The following FEZ2 variants were observed in gnomAD, a reference collection of about 807,000 sequenced individuals.
FEZ2 encodes the protein fasciculation and elongation protein zeta 2, also known as fasciculation and elongation protein zeta-2.
Under a neutral mutation model 40.4 loss-of-function variants are expected in FEZ2, and 51 were observed. The ratio of observed to expected loss-of-function variants is 1.26; its 90% CI spans 1.01 to 1.59. The LOEUF (loss-of-function observed/expected upper bound fraction) is 1.59, where lower values mean the gene tolerates loss of function less well. Ranked by LOEUF, FEZ2 falls within the 40% of genes most tolerant of loss-of-function variation. The probability of loss-of-function intolerance (pLI) is 0.00; values close to 1 mark genes in which losing one functional copy is unlikely to be tolerated. For synonymous variants in FEZ2, 242 were observed against 172.0 expected, an observed-to-expected ratio of 1.41 and a Z score of -3.18; for missense variants, 640 against 438.3, an observed-to-expected ratio of 1.46 and a Z score of -4.11.
chr2:36,583,196 A>C (rs1406375783), intron 3 of FEZ2, among the ~76,000 whole-genome samples, 157 bp downstream of exon 3: 1 of 152,120 alleles, frequency 6.6e-6, no homozygotes, highest in African/African-American at 2.4e-5. Flanking sequence ...ACAAATACTT[A>C]TTTTTCTCTG....
intron 7 of FEZ2, among the ~76,000 whole-genome samples, chr2:36,554,861 A>T (rs768215211): frequency 1.5e-4 from 23 of 152,234 alleles, no homozygotes; most frequent in Non-Finnish European, 2.5e-4. Flanking sequence ...TTAATGGAGA[A>T]GAGAGAGAAC....
rs553545220 is a variant in FEZ2, at chr2:36,555,697, T to A, written c.1031A>T (p.Asp344Val). The A allele has an allele frequency of 2.8e-5, 45 of 1,593,624 alleles. No individual in the cohort carries two copies. In the Admixed American group the frequency reaches 6.4e-4, roughly 23 times the overall value. The change falls in exon 7 of 8, where the codon GAT becomes GTT. Residue 344 changes from aspartate to valine, a missense_variant. Physicochemically the swap from Asp to Val is radical, Grantham distance 152. Transcript: ENST00000405912. Reference protein sequence around the residue: ...DSEKVPSLLTDYILKVLCPT With the variant: ...DSEKVPSLLTVYILKVLCPT ...ATAAAACTCACCTTTCAGAATATAA[T>A]CAGTTAACAAGCTCGGAACTTTTTC...
intron 2 of FEZ2, among the ~76,000 whole-genome samples, chr2:36,587,897 T>C (rs1668948671): frequency 1.3e-5 from 2 of 152,220 alleles, no homozygotes; most frequent in African/African-American, 4.8e-5. Flanking sequence ...CAGTGTGTGC[T>C]AATCCTCCCT....
chr2:36,576,331 G>A (rs1317966766), intron 5 of FEZ2, among the ~76,000 whole-genome samples: 1 of 151,832 alleles, frequency 6.6e-6, no homozygotes, highest in African/African-American at 2.4e-5. Context: ...GTACAGTGGA[G>A]CAATCTTGGC....
In FEZ2 at chr2:36,578,610, T is replaced by G; in HGVS notation, c.890A>C (p.His297Pro). 1 of 1,612,684 alleles carries G rather than the reference T, an allele frequency of 6.2e-7. No individual in the cohort carries two copies. Among genetic ancestry groups the G allele is most frequent in the Non-Finnish European group, 8.5e-7 (1 of 1,179,600 alleles). ...SSQNGKNERSHMPGTYLTTVI... is the reference protein window; with the variant it reads ...SSQNGKNERSPMPGTYLTTVI... ...AACATCACTTACTGTGCCGGGCATA[T>G]GACTTCTCTCATTCTTCCCATTCTG... is the stretch of plus-strand genomic sequence containing the variant. Residue 297 changes from histidine to proline, a missense_variant, in exon 5 of 8, where the codon CAT becomes CCT. His to Pro is a moderately conservative substitution (Grantham distance 77, BLOSUM62 -2). Coordinates refer to ENST00000405912, the MANE Select transcript of FEZ2 (RefSeq NM_005102.3).
In FEZ2 at chr2:36,580,398, C is replaced by T. The variant is rs922667423; in HGVS notation, c.634+892G>A. Among the ~76,000 whole-genome samples the T allele has an allele frequency of 1.6e-4, 25 of 152,124 alleles. No individual in the cohort carries two copies. In the East Asian group the frequency reaches 2.1e-3, roughly 13 times the overall value. On this transcript the variant is annotated intron_variant, in intron 4 of 7. Transcript: ENST00000405912. ...ATAAAGATAAAACTAGGTGACAACA[C>T]GAGTTGAGCAGATACAGACCCCATC...
intron 5 of FEZ2, among the ~76,000 whole-genome samples, chr2:36,571,472 C>A (rs1668408278): frequency 6.6e-6 from 1 of 151,742 alleles, no homozygotes; most frequent in Admixed American, 6.6e-5. Context: ...ACCATCCTGG[C>A]CAACTTGGTG....
chr2:36,577,288 G>A (rs1004822580), intron 5 of FEZ2, among the ~76,000 whole-genome samples: 2 of 149,542 alleles, frequency 1.3e-5, no homozygotes, highest in Non-Finnish European at 3.0e-5. Context: ...ATGGAGTTTC[G>A]CTTTTGTTGC....
chr2:36,592,653 A>G (rs919188518), intron 1 of FEZ2, among the ~76,000 whole-genome samples: 2 of 150,946 alleles, frequency 1.3e-5, no homozygotes, highest in Admixed American at 1.3e-4. Context: ...ACAAAAAAAA[A>G]AAAAAAAAAA....
At chr2:36,574,597 G>T (rs1002777450) in intron 5 of FEZ2, among the ~76,000 whole-genome samples, 8 of 151,920 alleles carry the variant, frequency 5.3e-5, no homozygotes, top group African/African-American at 1.9e-4. Context: ...ATCAAGGAAG[G>T]TTCTAAGAAA....
chr2:36,581,343 A>G lies in FEZ2; in HGVS notation c.581T>C (p.Leu194Pro). ...CTTGAGAGTTTGAATTTCCTGGGAA[A>G]GCATTGAAAGCCGATCTGACTGTGT... ...TPTQSDRLSMLSQEIQTLKRS... is the reference protein window; with the variant it reads ...TPTQSDRLSMPSQEIQTLKRS... The change falls in exon 4 of 8, where the codon CTT becomes CCT. Residue 194 changes from leucine to proline, a missense_variant. Leu to Pro is a moderately conservative substitution (Grantham distance 98). Coordinates refer to ENST00000405912, the MANE Select transcript of FEZ2 (RefSeq NM_005102.3). 1 of 1,613,808 alleles carries G rather than the reference A, an allele frequency of 6.2e-7. No individual in the cohort carries two copies. Among genetic ancestry groups the G allele is most frequent in the Non-Finnish European group, 8.5e-7 (1 of 1,179,728 alleles).
At chr2:36,586,223 T>C (rs895237161) in intron 2 of FEZ2, among the ~76,000 whole-genome samples, 1 of 152,194 alleles carries the variant, frequency 6.6e-6, no homozygotes, top group African/African-American at 2.4e-5. Context: ...CATCGATCCT[T>C]ACACTTCGAA....
chr2:36,570,348 C>T (rs569387745), intron 5 of FEZ2, among the ~76,000 whole-genome samples: 1 of 151,884 alleles, frequency 6.6e-6, no homozygotes, highest in Non-Finnish European at 1.5e-5. Flanking sequence ...AAATATAATA[C>T]AAAGATCTTC....
In FEZ2 at chr2:36,558,632, G is replaced by C. The variant is rs1056755121; in HGVS notation, c.904-119C>G. ...ATAAAACACAAGCTACTTTGGTAAT[G>C]AAAACACAGGTATTGTATGGGAATA... On this transcript the variant is annotated intron_variant, in intron 5 of 7. Transcript: ENST00000405912. The C allele has an allele frequency of 1.8e-5, 9 of 505,156 alleles. No individual in the cohort carries two copies. The Admixed American group carries it at 2.2e-4, about 12-fold the overall frequency. The allele number at this position is 505,156 out of a possible 1,614,324, so 31.3% of individuals were successfully genotyped here.
At chr2:36,582,988 T>G (rs1310079213) in intron 3 of FEZ2, among the ~76,000 whole-genome samples, 2 of 152,210 alleles carry the variant, frequency 1.3e-5, no homozygotes, top group Non-Finnish European at 2.9e-5. Context: ...ACCCAGGGTT[T>G]TGAAGATACT....
chr2:36,595,140 A>C (rs1434086017), intron 1 of FEZ2, among the ~76,000 whole-genome samples: 1 of 152,206 alleles, frequency 6.6e-6, no homozygotes, highest in Non-Finnish European at 1.5e-5. Flanking sequence ...TCCATATTTA[A>C]CCAAAACAAA....
At chr2:36,572,623 C>G (rs551717995) in intron 5 of FEZ2, among the ~76,000 whole-genome samples, 59 of 152,160 alleles carry the variant, frequency 3.9e-4, no homozygotes, top group Non-Finnish European at 7.5e-4. Flanking sequence ...ATGAACATAG[C>G]TGTGTTCCAG....
chr2:36,571,561 A>G (rs1324302140), intron 5 of FEZ2, among the ~76,000 whole-genome samples: 1 of 152,088 alleles, frequency 6.6e-6, no homozygotes, highest in Non-Finnish European at 1.5e-5. Context: ...AGGCTGAGGC[A>G]GGAGAACCGC....
chr2:36,558,501 CTG>C lies in FEZ2; in HGVS notation c.914_915del (p.Thr305SerfsTer5). The C allele has an allele frequency of 2.0e-6, 3 of 1,511,502 alleles. No homozygotes were observed. Among genetic ancestry groups the C allele is most frequent in the Non-Finnish European group, 2.7e-6 (3 of 1,125,218 alleles). The allele number at this position is 1,511,502 out of a possible 1,614,324, so 93.6% of individuals were successfully genotyped here. A position where few individuals can be genotyped will look rare whatever the true frequency, so the allele number is the denominator to read the frequency against. On this transcript the variant is annotated frameshift_variant, in exon 6 of 8. Transcript: ENST00000405912. LOFTEE classifies it high-confidence loss of function. The part of the protein sequence containing the change: ...RSHMPGTYLT[T>X]VIPYEKKNGP... ...CCGTTTTTTTTCTCATAAGGAATGACTGTAGTCAAATACTGCCAAGTTTAAAA... is the reference window on the plus strand; with the variant it reads ...CCGTTTTTTTTCTCATAAGGAATGACTAGTCAAATACTGCCAAGTTTAAAA...
Sources: allele counts gnomAD v4.1 joint callset (sites outside exome capture counted in the v4.1 genomes callset), GRCh38; gene constraint gnomAD v4.1.1; transcripts MANE v1.5; gene names NCBI Gene and HGNC (gene_info 2026-07-23, HGNC 2026-07-21).